Variants in ADGRV1 observed in about 807,000 individuals in gnomAD.
ADGRV1 encodes adhesion G protein-coupled receptor V1, also known as G-protein coupled receptor 98.
ADGRV1 carries 359 observed loss-of-function variants against 596.2 expected under a neutral mutation model. That is an observed-to-expected ratio of 0.60 (90% CI 0.55 to 0.66). The LOEUF (loss-of-function observed/expected upper bound fraction) is 0.66. Ranked by LOEUF, ADGRV1 falls within the 30% of genes least tolerant of loss-of-function variation. The probability of loss-of-function intolerance (pLI) is 0.00; values close to 1 mark genes in which losing one functional copy is unlikely to be tolerated. For synonymous variants in ADGRV1, 2,681 were observed against 2,679.2 expected (o/e 1.00, Z -0.02); for missense variants, 7,274 against 7,575.6 (o/e 0.96, Z 1.48).
intron 85 of ADGRV1, among the ~76,000 whole-genome samples, chr5:91,035,879 A>ATATG (rs1784870797): frequency 7.3e-6 from 1 of 136,786 alleles, no homozygotes; most frequent in Non-Finnish European, 1.6e-5. Flanking sequence ...ATATATATAT[A>ATATG]TATCTTACAA....
rs1458060011 is a variant in ADGRV1, at chr5:91,150,113, T to C, written c.18516T>C (p.Asn6172=). The change falls in exon 88 of 90, where the codon AAT becomes AAC. Residue 6172 remains asparagine (N), a synonymous_variant. Transcript: ENST00000405460. The stretch of plus-strand genomic sequence containing the variant: ...AGGCCAGTTACACTGTGGAAATGAA[T>C]GGGCATCCTGGACCCAGCACAGCCT... The part of the protein sequence containing the change: ...PMKASYTVEM[N]GHPGPSTAFF... 3.2e-6 allele frequency: 5 copies of C among 1,581,610 alleles called. No homozygotes were observed. Among genetic ancestry groups the C allele is most frequent in the Middle Eastern group, 3.3e-4 (2 of 6,022 alleles).
At chr5:91,066,696 C>T (rs1015221750) in intron 85 of ADGRV1, among the ~76,000 whole-genome samples, 1 of 152,142 alleles carries the variant, frequency 6.6e-6, no homozygotes, top group African/African-American at 2.4e-5. Context: ...CCCTGATATC[C>T]CTGCCTCCTT....
chr5:90,961,510 G>GA (rs1554178896), intron 83 of ADGRV1, among the ~76,000 whole-genome samples: 1 of 141,760 alleles, frequency 7.1e-6, no homozygotes, highest in African/African-American at 2.8e-5. Flanking sequence ...AAAAAAAAGG[G>GA]GGGGTGGCGG....
At chr5:90,785,891 C>A (rs1759383548) in intron 67 of ADGRV1, among the ~76,000 whole-genome samples, 1 of 152,072 alleles carries the variant, frequency 6.6e-6, no homozygotes, top group Non-Finnish European at 1.5e-5. Flanking sequence ...CCCAGCCATC[C>A]CATTACTGGG....
In ADGRV1 at chr5:90,672,662, T is replaced by G; in HGVS notation, c.4869T>G (p.Leu1623=). Residue 1623 remains leucine, a synonymous_variant, in exon 22 of 90, where the codon CTT becomes CTG. Coordinates refer to ENST00000405460, the MANE Select transcript of ADGRV1 (RefSeq NM_032119.4). ...TTGAAACTGATGGCATTAATTACCTTGTTGATGACTTTGCTAATGCCAGTG... is the reference window on the plus strand; with the variant it reads ...TTGAAACTGATGGCATTAATTACCTGGTTGATGACTTTGCTAATGCCAGTG... ...SQIETDGINY[L]VDDFANASGT... The G allele has an allele frequency of 6.2e-7, 1 of 1,613,736 alleles. No individual in the cohort carries two copies. Among genetic ancestry groups the G allele is most frequent in the East Asian group, 2.2e-5 (1 of 44,862 alleles).
chr5:91,029,052 T>C (rs954356634), intron 85 of ADGRV1, among the ~76,000 whole-genome samples: 8 of 152,184 alleles, frequency 5.3e-5, no homozygotes, highest in African/African-American at 1.9e-4. Flanking sequence ...TTAGAACTTT[T>C]TTCTTTAGGG....
chr5:91,060,768 A>T (rs1468475768), intron 85 of ADGRV1, among the ~76,000 whole-genome samples: 3 of 152,172 alleles, frequency 2.0e-5, no homozygotes, highest in Non-Finnish European at 4.4e-5. Flanking sequence ...CCTGCAGGGG[A>T]TGCTCTAGAA....
intron 8 of ADGRV1, 98 bp downstream of exon 8, chr5:90,628,930 G>A: frequency 8.9e-7 from 1 of 1,128,382 alleles, no homozygotes; most frequent in Non-Finnish European, 1.2e-6. Flanking sequence ...TTAGTTTGAA[G>A]GGACAGGAAA....
At chr5:91,150,299 G>A in intron 88 of ADGRV1, 78 bp downstream of exon 88, 2 of 1,139,014 alleles carry the variant, frequency 1.8e-6, no homozygotes, top group Non-Finnish European at 2.4e-6. Flanking sequence ...CTCTCTCTGT[G>A]TCTGTCTGTC....
chr5:90,777,861 C>T, intron 61 of ADGRV1, 44 bp from the exon 62 acceptor site: 1 of 1,482,182 alleles, frequency 6.7e-7, no homozygotes, highest in Non-Finnish European at 9.1e-7. Flanking sequence ...AGAAAAGTAC[C>T]TTCAACTGAA....
chr5:90,813,025 C>T (rs1049041886), intron 74 of ADGRV1, among the ~76,000 whole-genome samples: 25 of 148,070 alleles, frequency 1.7e-4, no homozygotes, highest in African/African-American at 4.8e-4. Flanking sequence ...CCCAGCTACT[C>T]GGGAGGCTGA....
rs541915751 is a variant in ADGRV1, at chr5:91,078,269, A to C, written c.18310+5665A>C. Among the ~76,000 whole-genome samples, 4 of 152,304 alleles carry C rather than the reference A, an allele frequency of 2.6e-5. 1 individual carries two copies. The highest frequency in any genetic ancestry group is 9.6e-5 in the African/African-American group (4 of 41,572). On this transcript the variant is annotated intron_variant, in intron 86 of 89. Transcript: ENST00000405460. ...TGTAAATGCTCATCCCTTACATCCT[A>C]AAGTTGAGTGCCTTTTTTACTCTTG...
At chr5:91,063,041 C>T (rs192404752) in intron 85 of ADGRV1, among the ~76,000 whole-genome samples, 219 of 148,106 alleles carry the variant, frequency 1.5e-3, no homozygotes, top group African/African-American at 5.3e-3. Context: ...TCACTGCAAC[C>T]TCCACCTCCT....
intron 83 of ADGRV1, among the ~76,000 whole-genome samples, chr5:90,865,376 A>G (rs371402283): frequency 6.6e-6 from 1 of 152,270 alleles, no homozygotes; most frequent in East Asian, 1.9e-4. Context: ...ACAAGACTTA[A>G]TTATAGCACT....
intron 83 of ADGRV1, among the ~76,000 whole-genome samples, chr5:90,963,638 C>T (rs1286550342): frequency 3.3e-5 from 5 of 151,616 alleles, no homozygotes; most frequent in Non-Finnish European, 7.4e-5. Flanking sequence ...CAAGGTACTT[C>T]TCATTTTAAA....
chr5:90,973,216 T>C (rs1158172446), intron 84 of ADGRV1, among the ~76,000 whole-genome samples: 1 of 152,090 alleles, frequency 6.6e-6, no homozygotes, highest in African/African-American at 2.4e-5. Flanking sequence ...ATTAATAGCC[T>C]ACCAACCAAA....
chr5:90,730,497 A>G (rs1392121342), intron 50 of ADGRV1, among the ~76,000 whole-genome samples: 2 of 152,202 alleles, frequency 1.3e-5, no homozygotes, highest in East Asian at 1.9e-4. Context: ...TTCCATCTTC[A>G]TGAACTCTCC....
chr5:90,721,330 C>G (rs1424455178), intron 45 of ADGRV1, among the ~76,000 whole-genome samples: 1 of 151,432 alleles, frequency 6.6e-6, no homozygotes, highest in Non-Finnish European at 1.5e-5. Context: ...TGGTGAAACC[C>G]CATCTTTACT....
intron 1 of ADGRV1, among the ~76,000 whole-genome samples, chr5:90,604,079 C>T (rs910281456): frequency 1.3e-5 from 2 of 151,710 alleles, no homozygotes; most frequent in African/African-American, 4.8e-5. Flanking sequence ...CTGCTTAGCT[C>T]CAGGCAAGGG....
Sources: gnomAD v4.1 joint callset for allele counts (sites outside exome capture counted in the v4.1 genomes callset) on GRCh38, gnomAD v4.1.1 for gene constraint, MANE v1.5 for transcripts, NCBI Gene and HGNC (gene_info 2026-07-23, HGNC 2026-07-21) for gene names.